The following KIF3A variants were observed in gnomAD, a reference collection of about 807,000 sequenced individuals.
The protein encoded by KIF3A is kinesin-like protein KIF3A.
Under a neutral mutation model 92.6 loss-of-function variants are expected in KIF3A, and 27 were observed. The ratio of observed to expected loss-of-function variants is 0.29; its 90% CI spans 0.21 to 0.40. The LOEUF is 0.40. Among genes scored for constraint, KIF3A ranks in the 10% least tolerant of loss-of-function variants. KIF3A has a pLI of 1.00. For synonymous variants in KIF3A, 250 were observed against 275.4 expected (o/e 0.91, Z 0.92); for missense variants, 581 against 872.6 (o/e 0.67, Z 4.21).
chr5:132,722,288 A>G (rs984789246), intron 4 of KIF3A, among the ~76,000 whole-genome samples: 5 of 152,242 alleles, frequency 3.3e-5, no homozygotes, highest in Non-Finnish European at 5.9e-5. Flanking sequence ...CAAATGTGTG[A>G]AAGTTAAAAA....
intron 7 of KIF3A, 44 bp downstream of exon 7, chr5:132,716,193 ATTACAATC>A (rs1432549111): frequency 2.8e-5 from 40 of 1,404,588 alleles, no homozygotes; most frequent in Non-Finnish European, 4.0e-5. Flanking sequence ...ATTGGCATAA[ATTACAATC>A]TTAAATTTGC....
At position 132,716,999 on chromosome 5, in the gene KIF3A, C is replaced by T. The variant is rs370038376; in HGVS notation, c.617-15G>A. On this transcript the variant is annotated splice_polypyrimidine_tract_variant and intron_variant, in intron 5 of 18. Coordinates refer to ENST00000403231, the MANE Select transcript of KIF3A (RefSeq NM_001300791.2). ...ACCAACAGAACCTTTAATAAATAAA[C>T]GAAATCCTTTAAAAGTGTAACAGAG... 173 of 1,610,920 alleles carry T rather than the reference C, an allele frequency of 1.1e-4. No homozygotes were observed. The highest frequency in any genetic ancestry group is 9.6e-4 in the African/African-American group (72 of 74,818).
intron 5 of KIF3A, among the ~76,000 whole-genome samples, chr5:132,719,026 A>C (rs1753736409): frequency 6.6e-6 from 1 of 150,832 alleles, no homozygotes; most frequent in African/African-American, 2.4e-5. Flanking sequence ...AGATTGTTAC[A>C]TCTAAAAATA....
intron 18 of KIF3A, among the ~76,000 whole-genome samples, 154 bp downstream of exon 18, chr5:132,699,017 C>A (rs544646968): frequency 6.6e-6 from 1 of 152,172 alleles, no homozygotes; most frequent in African/African-American, 2.4e-5. Flanking sequence ...GGATTACAGG[C>A]GTGAGCCACT....
Position 132,696,174 on chromosome 5 carries a change from A to G in KIF3A, c.*460T>C, listed in dbSNP as rs1438585093. 6.5e-6 allele frequency: 1 copy of G among 152,958 alleles called. No individual in the cohort carries two copies. The highest frequency in any genetic ancestry group is 1.5e-5 in the Non-Finnish European group (1 of 68,172). The allele number at this position is 152,958 out of a possible 1,614,324, so 9.5% of individuals were successfully genotyped here. ...GCTGGGTGGGTGTTAGGACGGAATC[A>G]TTCTTTAGATGTACAGTCCAAACAT... is the stretch of plus-strand genomic sequence containing the variant. On this transcript the variant is annotated 3_prime_UTR_variant, in exon 19 of 19. Coordinates refer to ENST00000403231, the MANE Select transcript of KIF3A (RefSeq NM_001300791.2).
At chr5:132,724,802 A>AT (rs1753953812) in intron 4 of KIF3A, among the ~76,000 whole-genome samples, 1 of 33,328 alleles carries the variant, frequency 3.0e-5, no homozygotes, top group African/African-American at 1.2e-4. Flanking sequence ...TAAAAAAAAA[A>AT]AAAAATATAT....
chr5:132,708,952 A>G lies in KIF3A; in HGVS notation c.1255T>C (p.Ser419Pro). 6.5e-7 allele frequency: 1 copy of G among 1,550,364 alleles called. No individual in the cohort carries two copies. Among genetic ancestry groups the G allele is most frequent in the Non-Finnish European group, 8.7e-7 (1 of 1,146,812 alleles). ...GGTTTCTCTATGACAGAACATGTGG[A>G]GTCTGAACTACTGCTGCTGCTACTG... ...RGSSSSSSSD[S>P]TCSVIEKPLD... The change falls in exon 10 of 19, where the codon TCC becomes CCC. Residue 419 changes from serine to proline, a missense_variant. By Grantham distance (74) the Ser-to-Pro change is moderately conservative (BLOSUM62 -1). This residue lies in a region of KIF3A where 167 missense variants were observed against 205.8 expected (regional missense o/e 0.81). Transcript: ENST00000403231.
rs760777955 is a variant in KIF3A at position 132,702,101 on chromosome 5, G to T, written c.1870C>A (p.Pro624Thr). 3.7e-6 allele frequency: 6 copies of T among 1,612,320 alleles called. No homozygotes were observed. In the East Asian group the frequency reaches 6.7e-5, roughly 18 times the overall value. Residue 624 changes from proline to threonine, a missense_variant, in exon 15 of 19, where the codon CCT (proline) becomes ACT (threonine). By Grantham distance (38) the Pro-to-Thr change is conservative (BLOSUM62 -1). This residue lies in a region of KIF3A where 112 missense variants were observed against 144.3 expected (regional missense o/e 0.78). Transcript: ENST00000403231. ...TTCCTTTTTACCTGATAATCCCGAG[G>T]TATAAAGTTATCAATAATAAGCATC... ...LQMLIIDNFIPRDYQEMIENY... is the reference protein window; with the variant it reads ...LQMLIIDNFITRDYQEMIENY...
chr5:132,706,407 GATAA>G (rs1482362929), intron 11 of KIF3A, 40 bp downstream of exon 11: 3 of 1,440,412 alleles, frequency 2.1e-6, no homozygotes, highest in African/African-American at 1.5e-5. Flanking sequence ...TTCTTTATAG[GATAA>G]ATAATTGTAC....
At chr5:132,717,507 A>C (rs149765909) in intron 5 of KIF3A, among the ~76,000 whole-genome samples, 1,822 of 152,270 alleles carry the variant, frequency 0.012, 126 homozygotes, top group Admixed American at 0.11. Context: ...TATGTTAGAC[A>C]ATACAACAAT....
At chr5:132,736,847 A>G (rs1754404459) in intron 1 of KIF3A, 1 of 418,572 alleles carries the variant, frequency 2.4e-6, no homozygotes, top group Non-Finnish European at 4.8e-6. Flanking sequence ...CACGATAACA[A>G]TCTGTGAAAT....
intron 15 of KIF3A, 110 bp downstream of exon 15, chr5:132,701,977 T>A: frequency 8.5e-7 from 1 of 1,171,344 alleles, no homozygotes; most frequent in Non-Finnish European, 1.2e-6. Flanking sequence ...GTTCAAAAAA[T>A]TGTACATTCA....
At chr5:132,702,261 C>T (rs760725807) in intron 14 of KIF3A, 49 bp from the exon 15 acceptor site, 3 of 1,578,780 alleles carry the variant, frequency 1.9e-6, no homozygotes, top group Admixed American at 1.7e-5. Context: ...ACTTTAACTA[C>T]AAAACAGCAC....
intron 8 of KIF3A, 62 bp downstream of exon 8, chr5:132,715,695 G>T (rs1753596239): frequency 1.6e-6 from 2 of 1,278,242 alleles, no homozygotes; most frequent in Non-Finnish European, 1.1e-6. Context: ...TGTTAGAACA[G>T]TTAGTGGTTC....
chr5:132,726,293 C>T, intron 3 of KIF3A, 61 bp downstream of exon 3: 1 of 1,574,088 alleles, frequency 6.4e-7, no homozygotes, highest in Non-Finnish European at 8.7e-7. Flanking sequence ...AAATTTATAC[C>T]TATGTGCCTT....
chr5:132,715,109 G>A (rs890932120), intron 8 of KIF3A, among the ~76,000 whole-genome samples: 6 of 152,112 alleles, frequency 3.9e-5, no homozygotes, highest in Admixed American at 2.6e-4. Flanking sequence ...TACGTGGTTC[G>A]CGAAGGAGCT....
intron 2 of KIF3A, among the ~76,000 whole-genome samples, chr5:132,727,715 A>T (rs953477034): frequency 6.6e-6 from 1 of 152,216 alleles, no homozygotes; most frequent in South Asian, 2.1e-4. Flanking sequence ...GAGTGACATC[A>T]TGATCACTAT....
At position 132,734,317 on chromosome 5, in the gene KIF3A, T is replaced by G. The variant is rs1181844318; in HGVS notation, c.168A>C (p.Glu56Asp). The change falls in exon 2 of 19, where the codon GAA becomes GAC. Residue 56 changes from glutamate to aspartate, a missense_variant. Around this residue, in one of 5 missense-constraint regions of KIF3A, gnomAD observed 217 missense variants for 299.7 expected, o/e 0.72. Coordinates refer to ENST00000403231, the MANE Select transcript of KIF3A (RefSeq NM_001300791.2). ...ITVHKTDSSN[E>D]PPKTFTFDTV... ...TATCAAAAGTAAATGTCTTTGGAGGTTCATTGGAAGAATCAGTCTTATGTA... is the reference window on the plus strand; with the variant it reads ...TATCAAAAGTAAATGTCTTTGGAGGGTCATTGGAAGAATCAGTCTTATGTA... The G allele has an allele frequency of 1.2e-6, 2 of 1,613,900 alleles. No homozygotes were observed. The highest frequency in any genetic ancestry group is 2.7e-5 in the African/African-American group (2 of 74,878).
rs932014701 is a variant in KIF3A at position 132,719,471 on chromosome 5, C to T, written c.616+1138G>A. 1.7e-4 allele frequency among the ~76,000 whole-genome samples: 25 copies of T among 151,316 alleles called. 1 individual carries two copies. The highest frequency in any genetic ancestry group is 1.5e-3 in the Admixed American group (23 of 15,194). ...GAAACTTATAAAAATTTTTCATTTC[C>T]TATTTCTCATCTTTTACCTCTAATC... is the stretch of plus-strand genomic sequence containing the variant. On this transcript the variant is annotated intron_variant, in intron 5 of 18. Coordinates refer to ENST00000403231, the MANE Select transcript of KIF3A (RefSeq NM_001300791.2).
Sources: allele counts gnomAD v4.1 joint callset (sites outside exome capture counted in the v4.1 genomes callset), GRCh38; gene constraint gnomAD v4.1.1; regional missense constraint gnomAD v4.1.1; transcripts MANE v1.5; gene names NCBI Gene and HGNC (gene_info 2026-07-23, HGNC 2026-07-21).